DIP2C: variants seen among roughly 807,000 people sequenced by gnomAD.
The protein encoded by DIP2C is disco-interacting protein 2 homolog C.
Under a neutral mutation model 192.4 loss-of-function variants are expected in DIP2C, and 33 were observed. The observed-to-expected ratio is 0.17, with a 90% CI of 0.13 to 0.23. DIP2C has a LOEUF of 0.23. DIP2C is among the 10% of genes least tolerant of loss of function. DIP2C has a pLI of 1.00. For synonymous variants in DIP2C, 979 were observed against 864.1 expected, an observed-to-expected ratio of 1.13 and a Z score of -2.33; for missense variants, 1,537 against 2,110.1, an observed-to-expected ratio of 0.73 and a Z score of 5.32.
At chr10:680,937 C>A (rs1831106861) in intron 1 of DIP2C, among the ~76,000 whole-genome samples, 1 of 151,980 alleles carries the variant, frequency 6.6e-6, no homozygotes, top group African/African-American at 2.4e-5. Context: ...CGCCTGTGGC[C>A]ACGGAAATTC....
chr10:285,162 A>AAG (rs1359680150), intron 34 of DIP2C, among the ~76,000 whole-genome samples: 1 of 151,686 alleles, frequency 6.6e-6, no homozygotes, highest in East Asian at 1.9e-4. Context: ...CCAAAAAAAA[A>AAG]AAAAAAAAAC....
chr10:656,773 G>A (rs1029930599), intron 1 of DIP2C, among the ~76,000 whole-genome samples: 1 of 152,132 alleles, frequency 6.6e-6, no homozygotes, highest in Admixed American at 6.6e-5. Context: ...GTGAATGGAA[G>A]GCAACAAGGA....
At chr10:500,783 A>G (rs979311438) in intron 1 of DIP2C, among the ~76,000 whole-genome samples, 5 of 152,250 alleles carry the variant, frequency 3.3e-5, no homozygotes, top group African/African-American at 1.2e-4. Context: ...TGGATAACAA[A>G]ACAAGACAGG....
At chr10:506,925 A>G (rs557262569) in intron 1 of DIP2C, among the ~76,000 whole-genome samples, 6 of 151,088 alleles carry the variant, frequency 4.0e-5, no homozygotes, top group African/African-American at 1.5e-4. Flanking sequence ...CCCACTGTGC[A>G]TGATCAGAGG....
chr10:444,817 C>T (rs1366691685), intron 3 of DIP2C, among the ~76,000 whole-genome samples: 1 of 152,234 alleles, frequency 6.6e-6, no homozygotes, highest in African/African-American at 2.4e-5. Flanking sequence ...TCATAATTTG[C>T]TCATGTTTCT....
At chr10:603,591 T>G (rs965609982) in intron 1 of DIP2C, among the ~76,000 whole-genome samples, 6 of 152,212 alleles carry the variant, frequency 3.9e-5, no homozygotes, top group Non-Finnish European at 7.3e-5. Context: ...GAAGACACTG[T>G]TTCTGTCCAA....
Position 415,850 on chromosome 10 carries a change from G to A in DIP2C, c.778C>T (p.Gln260Ter). 6.2e-7 allele frequency: 1 copy of A among 1,613,900 alleles called. No individual in the cohort carries two copies. Among genetic ancestry groups the A allele is most frequent in the Non-Finnish European group, 8.5e-7 (1 of 1,179,992 alleles). The change falls in exon 7 of 37, where the codon CAG becomes TAG. Residue 260 changes from glutamine to a stop codon, truncating the protein, a stop_gained. Transcript: ENST00000280886. LOFTEE classifies it high-confidence loss of function. ...VSSRVSAKIQ[Q>*]LVNTLKRPKR... The stretch of plus-strand genomic sequence containing the variant: ...GGTCGTTTGAGGGTATTGACAAGCT[G>A]CTGGATTTTTGCTGACACCCGGCTA...
intron 6 of DIP2C, among the ~76,000 whole-genome samples, chr10:417,857 A>G (rs71494906): frequency 0.037 from 376 of 10,156 alleles, 28 homozygotes; most frequent in African/African-American, 0.059. Flanking sequence ...CACCTGTCAG[A>G]GCTCGGACAG....
At chr10:505,786 C>T (rs1400411480) in intron 1 of DIP2C, among the ~76,000 whole-genome samples, 2 of 151,982 alleles carry the variant, frequency 1.3e-5, no homozygotes, top group Non-Finnish European at 2.9e-5. Context: ...GCTGTGCTTC[C>T]TGTGGGTGCC....
rs576582670 is a variant in DIP2C, at chr10:389,466, G to A, written c.1597+525C>T. The stretch of plus-strand genomic sequence containing the variant: ...AGGAAAACACATCACGAGCACCAAT[G>A]CAGAGACTCTGACTCAATTGGGAGG... On this transcript the variant is annotated intron_variant, in intron 13 of 36. Transcript: ENST00000280886. Among the ~76,000 whole-genome samples, 10 of 152,290 alleles carry A rather than the reference G, an allele frequency of 6.6e-5. No individual in the cohort carries two copies. In the South Asian group the frequency reaches 1.9e-3, roughly 28 times the overall value.
intron 1 of DIP2C, among the ~76,000 whole-genome samples, chr10:500,243 T>C (rs1845130027): frequency 6.6e-6 from 1 of 152,234 alleles, no homozygotes; most frequent in Non-Finnish European, 1.5e-5. Flanking sequence ...AGCCAACCCC[T>C]GGCCTGTCTC....
At chr10:470,176 G>A (rs550596881) in intron 3 of DIP2C, among the ~76,000 whole-genome samples, 36 of 152,222 alleles carry the variant, frequency 2.4e-4, no homozygotes, top group Admixed American at 1.6e-3. Context: ...GGTAAATAAC[G>A]AATACACAGA....
At chr10:615,129 G>T (rs147044337) in intron 1 of DIP2C, among the ~76,000 whole-genome samples, 286 of 152,348 alleles carry the variant, frequency 1.9e-3, no homozygotes, top group Non-Finnish European at 3.0e-3. Flanking sequence ...TGATTCCCAC[G>T]ACACACGTGA....
Position 651,529 on chromosome 10 carries a change from A to C in DIP2C, c.85+37965T>G. Reference sequence around the variant, plus strand: ...ATCCACGTGAAGGTATTATGCAAAAAAAGCTTAACTTTGTTTCAGTGCCTT... The same window carrying C: ...ATCCACGTGAAGGTATTATGCAAAACAAGCTTAACTTTGTTTCAGTGCCTT... On this transcript the variant is annotated intron_variant, in intron 1 of 36. Coordinates refer to ENST00000280886, the MANE Select transcript of DIP2C (RefSeq NM_014974.3). The surrounding 1 kb of genome is among the most constrained non-coding windows in gnomAD (Gnocchi z 4.1). 1 of 487,498 alleles carries C rather than the reference A, an allele frequency of 2.1e-6. No homozygotes were observed. Among genetic ancestry groups the C allele is most frequent in the Non-Finnish European group, 3.8e-6 (1 of 263,408 alleles). 30.2% of individuals were successfully genotyped at this position (487,498 alleles called of 1,614,324 possible).
intron 9 of DIP2C, among the ~76,000 whole-genome samples, chr10:399,937 G>A (rs1298941604): frequency 3.3e-5 from 5 of 152,218 alleles, no homozygotes; most frequent in Non-Finnish European, 7.3e-5. Context: ...AACCCATCCT[G>A]CCAGCTCAGC....
intron 1 of DIP2C, among the ~76,000 whole-genome samples, chr10:683,427 A>G (rs1436123589): frequency 6.6e-6 from 1 of 152,218 alleles, no homozygotes; most frequent in Non-Finnish European, 1.5e-5. Context: ...CAATAGTCAT[A>G]AACCCTGCAT....
chr10:489,759 C>T (rs1276333541), intron 1 of DIP2C, among the ~76,000 whole-genome samples: 84 of 119,060 alleles, frequency 7.1e-4, no homozygotes, highest in Non-Finnish European at 1.2e-3. Context: ...GTGGCTCTGA[C>T]GGTGCCCGGG....
chr10:287,466 G>C (rs1307231133), intron 33 of DIP2C, among the ~76,000 whole-genome samples: 2 of 152,144 alleles, frequency 1.3e-5, no homozygotes, highest in African/African-American at 2.4e-5. Context: ...AGTCTGAAGT[G>C]AGATTTCAGG....
chr10:432,565 ATTTC>A (rs1299107293), intron 4 of DIP2C, among the ~76,000 whole-genome samples: 1 of 151,992 alleles, frequency 6.6e-6, no homozygotes, highest in Admixed American at 6.6e-5. Context: ...TATCTGCTGT[ATTTC>A]TTTTTCTTGT....
Sources: gnomAD v4.1 joint callset for allele counts (sites outside exome capture counted in the v4.1 genomes callset) on GRCh38, gnomAD v4.1.1 for gene constraint, Gnocchi (gnomAD v3.1) non-coding constraint, MANE v1.5 for transcripts, NCBI Gene and HGNC (gene_info 2026-07-23, HGNC 2026-07-21) for gene names.